Variants in RFPL2 observed in about 807,000 individuals in gnomAD.
The protein encoded by RFPL2 is ret finger protein like 2, also known as ret finger protein-like 2.
Under a neutral mutation model 17.8 loss-of-function variants are expected in RFPL2, and 13 were observed. The observed-to-expected ratio is 0.73, with a 90% CI of 0.47 to 1.16. The LOEUF (loss-of-function observed/expected upper bound fraction) is 1.16, where lower values mean the gene tolerates loss of function less well. Among genes scored for constraint, RFPL2 ranks in the 50% most tolerant of loss-of-function variants. The pLI, the probability that RFPL2 is intolerant of heterozygous loss-of-function variation, is 0.00. For synonymous variants in RFPL2, 189 were observed against 180.9 expected, an observed-to-expected ratio of 1.04 and a Z score of -0.36; for missense variants, 431 against 479.3, an observed-to-expected ratio of 0.90 and a Z score of 0.94.
chr22:32,202,213 C>A (rs1325637479), intron 2 of RFPL2, 120 bp downstream of exon 2: 2 of 1,298,002 alleles, frequency 1.5e-6, no homozygotes, highest in African/African-American at 1.5e-5. Context: ...CTCCCCTCTC[C>A]TTCTCTCTCC....
At chr22:32,195,094 G>T (rs1014355656) in intron 2 of RFPL2, among the ~76,000 whole-genome samples, 4 of 152,092 alleles carry the variant, frequency 2.6e-5, no homozygotes, top group Non-Finnish European at 5.9e-5. Context: ...AATCAACCCC[G>T]AATCTTTTCG....
chr22:32,196,837 A>G (rs1306358937), intron 2 of RFPL2, among the ~76,000 whole-genome samples: 1 of 152,228 alleles, frequency 6.6e-6, no homozygotes, highest in Non-Finnish European at 1.5e-5. Flanking sequence ...AGCCACTCGG[A>G]CAGGTGTGGG....
intron 3 of RFPL2, 101 bp from the exon 4 acceptor site, chr22:32,193,293 C>G (rs749313348): frequency 6.3e-7 from 1 of 1,599,632 alleles, no homozygotes; most frequent in African/African-American, 1.3e-5. Flanking sequence ...GTATTGTGTT[C>G]CAGCTTTGTC....
At chr22:32,197,276 A>G (rs1923429530) in intron 2 of RFPL2, among the ~76,000 whole-genome samples, 1 of 152,246 alleles carries the variant, frequency 6.6e-6, no homozygotes, top group South Asian at 2.1e-4. Flanking sequence ...ACACATATCC[A>G]GGAAAATGCC....
chr22:32,197,805 C>T (rs576884011), intron 2 of RFPL2, among the ~76,000 whole-genome samples: 1 of 152,256 alleles, frequency 6.6e-6, no homozygotes, highest in Admixed American at 6.5e-5. Context: ...TCCAGTCTAT[C>T]ATTGATGGAC....
At chr22:32,196,662 G>A (rs1603206629) in intron 2 of RFPL2, among the ~76,000 whole-genome samples, 2 of 152,238 alleles carry the variant, frequency 1.3e-5, no homozygotes, top group African/African-American at 4.8e-5. Flanking sequence ...AATGTAAAGA[G>A]TGTGAGAATG....
intron 2 of RFPL2, chr22:32,200,191 A>G: frequency 2.6e-6 from 1 of 377,706 alleles, no homozygotes; most frequent in Non-Finnish European, 5.3e-6. Context: ...ACACACAAAG[A>G]GAGCGCTGTG....
chr22:32,202,756 G>A, intron 1 of RFPL2: 1 of 1,140,898 alleles, frequency 8.8e-7, no homozygotes, highest in Non-Finnish European at 1.1e-6. Flanking sequence ...AGGAACAGCT[G>A]CAGCCACCCT....
chr22:32,193,266 C>G lies in RFPL2; in HGVS notation c.266-74G>C, dbSNP rs199607369. ...GCCTGTTAGTTGTGACAAGTGACAACCTTTTCATGCATAGAGGTATTGTGT... is the reference window on the plus strand; with the variant it reads ...GCCTGTTAGTTGTGACAAGTGACAAGCTTTTCATGCATAGAGGTATTGTGT... On this transcript the variant is annotated intron_variant, in intron 3 of 4. Transcript: ENST00000652607. The G allele has an allele frequency of 4.6e-4, 747 of 1,612,684 alleles. 10 individuals carry two copies. Among genetic ancestry groups the G allele is most frequent in the Middle Eastern group, 3.8e-3 (23 of 6,050 alleles).
chr22:32,202,188 C>T, intron 2 of RFPL2, 145 bp downstream of exon 2: 1 of 986,484 alleles, frequency 1.0e-6, no homozygotes, highest in Admixed American at 2.6e-5. Flanking sequence ...CACTTTCTGT[C>T]TTCCTCTCCC....
intron 2 of RFPL2, among the ~76,000 whole-genome samples, chr22:32,201,183 G>A (rs952014365): frequency 2.6e-5 from 4 of 151,732 alleles, no homozygotes; most frequent in African/African-American, 4.8e-5. Context: ...GACTACAGGC[G>A]CCCACCACCA....
intron 4 of RFPL2, 129 bp downstream of exon 4, chr22:32,192,773 T>C: frequency 1.5e-6 from 2 of 1,311,664 alleles, no homozygotes; most frequent in Non-Finnish European, 2.1e-6. Flanking sequence ...GCTGAGAATC[T>C]GATGATGAAG....
intron 2 of RFPL2, among the ~76,000 whole-genome samples, chr22:32,202,117 C>G (rs918871889): frequency 6.6e-6 from 1 of 152,112 alleles, no homozygotes; most frequent in Non-Finnish European, 1.5e-5. Context: ...CTGGCCCTTT[C>G]TTCTAACTAC....
At chr22:32,199,156 G>A (rs1430761224) in intron 2 of RFPL2, among the ~76,000 whole-genome samples, 2 of 152,156 alleles carry the variant, frequency 1.3e-5, no homozygotes, top group African/African-American at 2.4e-5. Flanking sequence ...GGGCTCCCAA[G>A]GAGAGAGCTC....
chr22:32,201,885 C>T (rs1223723004), intron 2 of RFPL2, among the ~76,000 whole-genome samples: 2 of 152,198 alleles, frequency 1.3e-5, no homozygotes, highest in South Asian at 2.1e-4. Context: ...GTCTCTCCCA[C>T]GGCTCCTGTT....
intron 2 of RFPL2, among the ~76,000 whole-genome samples, chr22:32,198,363 G>A (rs368583536): frequency 9.9e-5 from 15 of 152,194 alleles, no homozygotes; most frequent in Admixed American, 3.9e-4. Flanking sequence ...TGCATGCATG[G>A]GGTCAGCTGT....
chr22:32,195,292 A>T (rs1923199321), intron 2 of RFPL2, among the ~76,000 whole-genome samples: 1 of 151,982 alleles, frequency 6.6e-6, no homozygotes, highest in Non-Finnish European at 1.5e-5. Context: ...GGATTAGAGG[A>T]CTCTGAGACA....
Position 32,190,934 on chromosome 22 carries a change from A to C in RFPL2, c.975T>G (p.Gly325=). 5.0e-6 allele frequency: 8 copies of C among 1,603,316 alleles called. No homozygotes were observed. The highest frequency in any genetic ancestry group is 6.8e-6 in the Non-Finnish European group (8 of 1,174,144). Residue 325 remains glycine (G), a synonymous_variant, in exon 5 of 5, where the codon GGT becomes GGG. Coordinates refer to ENST00000652607, the MANE Select transcript of RFPL2 (RefSeq NM_001394555.1). ...CGCTCCTGAATGTATAGACATGGGAACCACTTTCAGCATCAAAAAAGGAAA... is the reference window on the plus strand; with the variant it reads ...CGCTCCTGAATGTATAGACATGGGACCCACTTTCAGCATCAAAAAAGGAAA... ...QNVSFFDAES[G]SHVYTFRSVS...
At chr22:32,201,238 C>T (rs1033465386) in intron 2 of RFPL2, among the ~76,000 whole-genome samples, 2 of 152,032 alleles carry the variant, frequency 1.3e-5, no homozygotes, top group African/African-American at 4.8e-5. Context: ...CGGGGTTTCA[C>T]CATATTAGCC....
Sources: gnomAD v4.1 joint callset for allele counts (sites outside exome capture counted in the v4.1 genomes callset) on GRCh38, gnomAD v4.1.1 for gene constraint, MANE v1.5 for transcripts, NCBI Gene and HGNC (gene_info 2026-07-23, HGNC 2026-07-21) for gene names.